The following PPFIA3 variants were observed in gnomAD, a reference collection of about 807,000 sequenced individuals.
PPFIA3 encodes the protein liprin-alpha-3.
PPFIA3 carries 26 observed loss-of-function variants against 145.8 expected under a neutral mutation model. The observed-to-expected ratio is 0.18, with a 90% confidence interval of 0.13 to 0.25. PPFIA3 has a LOEUF of 0.25. PPFIA3 is among the 10% of genes least tolerant of loss of function. The pLI, the probability that PPFIA3 is intolerant of heterozygous loss-of-function variation, is 1.00. For missense variants in PPFIA3, 1,008 were observed against 1,587.8 expected, an observed-to-expected ratio of 0.63 and a Z score of 6.21; for synonymous variants, 645 against 661.4, an observed-to-expected ratio of 0.98 and a Z score of 0.38.
intron 17 of PPFIA3, 25 bp downstream of exon 17, chr19:49,139,856 C>T: frequency 6.2e-7 from 1 of 1,610,114 alleles, no homozygotes; most frequent in Non-Finnish European, 8.5e-7. Context: ...GGGATAGGGA[C>T]AGGGAGAAGC....
chr19:49,148,314 T>A (rs923477385), intron 24 of PPFIA3, 56 bp downstream of exon 24: 2 of 1,553,456 alleles, frequency 1.3e-6, no homozygotes, highest in Non-Finnish European at 1.7e-6. Context: ...CCCCAGAGAG[T>A]CTTTGGCCAA....
chr19:49,145,590 C>G (rs1472365423), intron 21 of PPFIA3: 5 of 301,238 alleles, frequency 1.7e-5, no homozygotes, highest in Admixed American at 4.7e-5. Flanking sequence ...GTGAACCCCC[C>G]CCGCCATACT....
chr19:49,128,471 G>C lies in PPFIA3; in HGVS notation c.342+3G>C, dbSNP rs370417998. 1 of 1,608,160 alleles carries C rather than the reference G, an allele frequency of 6.2e-7. No individual in the cohort carries two copies. The highest frequency in any genetic ancestry group is 8.5e-7 in the Non-Finnish European group (1 of 1,177,184). Reference sequence around the variant, plus strand: ...AGGCGGAACGGAACAACACGCGGGTGAGGGGTGTTGAGGGCGGGGCCTAAG... The same window carrying C: ...AGGCGGAACGGAACAACACGCGGGTCAGGGGTGTTGAGGGCGGGGCCTAAG... On this transcript the variant is annotated splice_donor_region_variant and intron_variant, in intron 3 of 29. Transcript: ENST00000334186. This position sits in a 1 kb window ranked among gnomAD's most constrained non-coding sequence, Gnocchi z 4.1.
chr19:49,136,933 G>GCCTGC (rs761946193), intron 15 of PPFIA3, 22 bp downstream of exon 15: 73 of 1,487,732 alleles, frequency 4.9e-5, no homozygotes, highest in East Asian at 4.5e-4. Flanking sequence ...CCCCGCCCCG[G>GCCTGC]CCTGCCCTGC....
In PPFIA3 at chr19:49,141,571, GGT is replaced by G. The variant is rs1232246438; in HGVS notation, c.2462+68_2462+69del. 26 of 1,393,372 alleles carry G rather than the reference GGT, an allele frequency of 1.9e-5. No individual in the cohort carries two copies. The East Asian group carries it at 2.3e-4, about 12-fold the overall frequency. The allele number at this position is 1,393,372 out of a possible 1,614,324, so 86.3% of individuals were successfully genotyped here. A position where few individuals can be genotyped will look rare whatever the true frequency, so the allele number is the denominator to read the frequency against. ...GTATGTGAATGTGAGAGTGTGTGAG[GGT>G]GTGTGTGTGCGTGTATGTGTGTGTA... On this transcript the variant is annotated intron_variant, in intron 19 of 29. Transcript: ENST00000334186.
rs35781872 is a variant in PPFIA3 at position 49,149,945 on chromosome 19, C to A, written c.3527-135C>A. ...CAATGCGAGTTTGAGTCCTTGGCTGCGGGGAAGGGAGGGAAACCCATGTGG... is the reference window on the plus strand; with the variant it reads ...CAATGCGAGTTTGAGTCCTTGGCTGAGGGGAAGGGAGGGAAACCCATGTGG... On this transcript the variant is annotated intron_variant, in intron 28 of 29. Coordinates refer to ENST00000334186, the MANE Select transcript of PPFIA3 (RefSeq NM_003660.4). This position sits in a 1 kb window ranked among gnomAD's most constrained non-coding sequence, Gnocchi z 5.7. 1 of 1,196,508 alleles carries A rather than the reference C, an allele frequency of 8.4e-7. No individual in the cohort carries two copies. The highest frequency in any genetic ancestry group is 1.2e-6 in the Non-Finnish European group (1 of 855,324). 74.1% of individuals were successfully genotyped at this position (1,196,508 alleles called of 1,614,324 possible).
At chr19:49,129,143 T>C in intron 4 of PPFIA3, 131 bp downstream of exon 4, 1 of 1,100,288 alleles carries the variant, frequency 9.1e-7, no homozygotes, top group African/African-American at 1.6e-5. Flanking sequence ...CTGTGATTGA[T>C]TGGGACAGGA....
In PPFIA3 at chr19:49,130,165, C is replaced by A; in HGVS notation, c.657+98C>A. The stretch of plus-strand genomic sequence containing the variant: ...GGTATCATCCTCACTGGCCCTAAGA[C>A]GGCTGCACCTGTAAGAGTGTCACAG... On this transcript the variant is annotated intron_variant, in intron 6 of 29. Transcript: ENST00000334186. The surrounding 1 kb of genome is among the most constrained non-coding windows in gnomAD (Gnocchi z 4.5). 1 of 1,325,462 alleles carries A rather than the reference C, an allele frequency of 7.5e-7. No individual in the cohort carries two copies. Among genetic ancestry groups the A allele is most frequent in the South Asian group, 1.4e-5 (1 of 72,108 alleles). 82.1% of individuals were successfully genotyped at this position (1,325,462 alleles called of 1,614,324 possible).
chr19:49,133,504 T>C lies in PPFIA3; in HGVS notation c.1161+133T>C. ...GGGGGAAAGGGTGGGGCCTAGGGGC[T>C]GGGAAAGGGACAGGACTTGGAATGG... On this transcript the variant is annotated intron_variant, in intron 9 of 29. Coordinates refer to ENST00000334186, the MANE Select transcript of PPFIA3 (RefSeq NM_003660.4). The surrounding 1 kb of genome is among the most constrained non-coding windows in gnomAD (Gnocchi z 7.2). 1 of 1,096,500 alleles carries C rather than the reference T, an allele frequency of 9.1e-7. No homozygotes were observed. Among genetic ancestry groups the C allele is most frequent in the Non-Finnish European group, 1.2e-6 (1 of 800,972 alleles). 67.9% of individuals were successfully genotyped at this position (1,096,500 alleles called of 1,614,324 possible). A position where few individuals can be genotyped will look rare whatever the true frequency, so the allele number is the denominator to read the frequency against.
intron 15 of PPFIA3, 114 bp from the exon 16 acceptor site, chr19:49,138,091 G>A (rs926356110): frequency 1.5e-5 from 21 of 1,407,602 alleles, no homozygotes; most frequent in African/African-American, 7.3e-5. Flanking sequence ...TCATTGCACC[G>A]TCCCCAGAAT....
rs781436901 is a variant in PPFIA3, at chr19:49,139,965, G to A, written c.2245G>A (p.Gly749Ser). Residue 749 changes from glycine to serine, a missense_variant, in exon 18 of 30, where the codon GGC becomes AGC. Physicochemically the swap from Gly to Ser is moderately conservative, Grantham distance 56. Around this residue, in one of 11 missense-constraint regions of PPFIA3, gnomAD observed 202 missense variants for 241.8 expected, o/e 0.84. Coordinates refer to ENST00000334186, the MANE Select transcript of PPFIA3 (RefSeq NM_003660.4). ...CATTCTCTCCTGCTTTCCCAGTGAG[G>A]GCACCCCAGATTCTCTGCACAAAGC... ...EDGGPPRGSEGTPDSLHKAPK... is the reference protein window; with the variant it reads ...EDGGPPRGSESTPDSLHKAPK... 3.5e-5 allele frequency: 56 copies of A among 1,613,974 alleles called. 1 individual carries two copies. The Middle Eastern group carries it at 8.2e-4, about 24-fold the overall frequency.
chr19:49,139,811 TGGG>T lies in PPFIA3; in HGVS notation c.2223_2225del (p.Gly742del), dbSNP rs1369551668. The T allele has an allele frequency of 2.5e-6, 4 of 1,611,374 alleles. No homozygotes were observed. The highest frequency in any genetic ancestry group is 1.7e-5 in the Admixed American group (1 of 59,778). ...CACTGCAGGCGGGGTCCCTGGAAGA[TGGG>T]GGACCCCCACGGGGAAGGTCAGCAG... On this transcript the variant is annotated inframe_deletion, in exon 17 of 30. Transcript: ENST00000334186.
Position 49,128,920 on chromosome 19 carries a change from C to CT in PPFIA3, c.415_416insT (p.Gln139LeufsTer30). 6.2e-7 allele frequency: 1 copy of CT among 1,614,018 alleles called. No individual in the cohort carries two copies. Among genetic ancestry groups the CT allele is most frequent in the Non-Finnish European group, 8.5e-7 (1 of 1,179,970 alleles). ...ACTGCGCATGACCGTGGTGAAGCGC[C>CT]AGGCCCAGTCCCCGGGTGGGGTCTC... On this transcript the variant is annotated frameshift_variant, in exon 4 of 30. Transcript: ENST00000334186. LOFTEE classifies it high-confidence loss of function. The surrounding 1 kb of genome is among the most constrained non-coding windows in gnomAD (Gnocchi z 4.1).
chr19:49,148,499 G>C (rs2041304805), intron 24 of PPFIA3, 167 bp from the exon 25 acceptor site: 2 of 714,422 alleles, frequency 2.8e-6, no homozygotes, highest in African/African-American at 3.6e-5. Flanking sequence ...AGTAGGAAGT[G>C]CCTATTATTG....
rs747036699 is a variant in PPFIA3 at position 49,128,907 on chromosome 19, C to A, written c.402C>A (p.Thr134=). The change falls in exon 4 of 30, where the codon ACC becomes ACA. Residue 134 remains threonine, a synonymous_variant. Transcript: ENST00000334186. The surrounding 1 kb of genome is among the most constrained non-coding windows in gnomAD (Gnocchi z 4.1). ...GGCACGAGAGGTCACTGCGCATGACCGTGGTGAAGCGCCAGGCCCAGTCCC... is the reference window on the plus strand; with the variant it reads ...GGCACGAGAGGTCACTGCGCATGACAGTGGTGAAGCGCCAGGCCCAGTCCC... The part of the protein sequence containing the change: ...VSRHERSLRM[T]VVKRQAQSPG... 1.9e-6 allele frequency: 3 copies of A among 1,613,932 alleles called. No individual in the cohort carries two copies. The South Asian group carries it at 3.3e-5, about 18-fold the overall frequency.
Position 49,130,400 on chromosome 19 carries a change from C to T in PPFIA3, c.680C>T (p.Pro227Leu). 3.1e-6 allele frequency: 5 copies of T among 1,609,012 alleles called. No homozygotes were observed. The highest frequency in any genetic ancestry group is 4.2e-6 in the Non-Finnish European group (5 of 1,177,960). Residue 227 changes from proline to leucine, a missense_variant, in exon 7 of 30, where the codon CCT becomes CTT. Physicochemically the swap from Pro to Leu is moderately conservative, Grantham distance 98 (BLOSUM62 -3). Around this residue, in one of 11 missense-constraint regions of PPFIA3, gnomAD observed 136 missense variants for 160.7 expected, o/e 0.85. Coordinates refer to ENST00000334186, the MANE Select transcript of PPFIA3 (RefSeq NM_003660.4). The surrounding 1 kb of genome is among the most constrained non-coding windows in gnomAD (Gnocchi z 4.5). Reference sequence around the variant, plus strand: ...CAGACTCTTGCCAATGGCCTGGGTCCTGGCGGGGATTCCAACCGGCGCACA... The same window carrying T: ...CAGACTCTTGCCAATGGCCTGGGTCTTGGCGGGGATTCCAACCGGCGCACA... Reference protein sequence around the residue: ...DGQTLANGLGPGGDSNRRTAE... With the variant: ...DGQTLANGLGLGGDSNRRTAE...
In PPFIA3 at chr19:49,128,220, G is replaced by T; in HGVS notation, c.240+107G>T. The T allele has an allele frequency of 6.7e-7, 1 of 1,486,428 alleles. No homozygotes were observed. Among genetic ancestry groups the T allele is most frequent in the Non-Finnish European group, 9.1e-7 (1 of 1,104,012 alleles). 92.1% of individuals were successfully genotyped at this position (1,486,428 alleles called of 1,614,324 possible). Reference sequence around the variant, plus strand: ...CCTGGAAGGGAGGAGTCTGGGCGAGGCTTGCCGTTAATGGGCGGGGCCTGA... The same window carrying T: ...CCTGGAAGGGAGGAGTCTGGGCGAGTCTTGCCGTTAATGGGCGGGGCCTGA... On this transcript the variant is annotated intron_variant, in intron 2 of 29. Coordinates refer to ENST00000334186, the MANE Select transcript of PPFIA3 (RefSeq NM_003660.4). This position sits in a 1 kb window ranked among gnomAD's most constrained non-coding sequence, Gnocchi z 4.1.
chr19:49,133,386 C>T lies in PPFIA3; in HGVS notation c.1161+15C>T, dbSNP rs374793421. 1 of 1,505,634 alleles carries T rather than the reference C, an allele frequency of 6.6e-7. No individual in the cohort carries two copies. The highest frequency in any genetic ancestry group is 1.4e-5 in the African/African-American group (1 of 70,356). The allele number at this position is 1,505,634 out of a possible 1,614,324, so 93.3% of individuals were successfully genotyped here. On this transcript the variant is annotated intron_variant, in intron 9 of 29. Coordinates refer to ENST00000334186, the MANE Select transcript of PPFIA3 (RefSeq NM_003660.4). This position sits in a 1 kb window ranked among gnomAD's most constrained non-coding sequence, Gnocchi z 7.2. ...CGCTCAACAAGGTGCGGGGAGGACTCGGGTCGGGGCCTTGCGTGGGGAAGG... is the reference window on the plus strand; with the variant it reads ...CGCTCAACAAGGTGCGGGGAGGACTTGGGTCGGGGCCTTGCGTGGGGAAGG...
Position 49,138,330 on chromosome 19 carries a change from C to A in PPFIA3, c.1979C>A (p.Thr660Asn). 6.2e-7 allele frequency: 1 copy of A among 1,612,022 alleles called. No individual in the cohort carries two copies. The highest frequency in any genetic ancestry group is 1.1e-5 in the South Asian group (1 of 90,932). ...AGCTGCTCCCTGCCCCCCTCCCTCA[C>A]CACCTCTACCCTTGCCAGCCCCTCC... is the stretch of plus-strand genomic sequence containing the variant. ...RSSCSLPPSL[T>N]TSTLASPSPP... Residue 660 changes from threonine to asparagine, a missense_variant, in exon 16 of 30, where the codon ACC becomes AAC. Transcript: ENST00000334186.
Sources: gnomAD v4.1 joint callset for allele counts on GRCh38, gnomAD v4.1.1 for gene constraint, gnomAD v4.1.1 regional missense constraint, Gnocchi (gnomAD v3.1) non-coding constraint, MANE v1.5 for transcripts, NCBI Gene and HGNC (gene_info 2026-07-23, HGNC 2026-07-21) for gene names.